The following CHRDL2 variants were observed in gnomAD, a reference collection of about 807,000 sequenced individuals.
CHRDL2 encodes chordin-like protein 2.
Under a neutral mutation model 54.3 loss-of-function variants are expected in CHRDL2, and 41 were observed. The observed-to-expected ratio is 0.76, with a 90% CI of 0.59 to 0.98. CHRDL2 has a LOEUF of 0.98. Among genes scored for constraint, CHRDL2 ranks in the 50% least tolerant of loss-of-function variants. CHRDL2 has a pLI of 0.00. For missense variants in CHRDL2, 518 were observed against 562.4 expected (o/e 0.92, Z 0.80); for synonymous variants, 220 against 224.3 (o/e 0.98, Z 0.17).
chr11:74,713,312 C>G, intron 3 of CHRDL2, 74 bp downstream of exon 3: 1 of 1,309,344 alleles, frequency 7.6e-7, no homozygotes, highest in Non-Finnish European at 1.1e-6. Context: ...TTGCAGGGGT[C>G]TCCCTCAGCT....
intron 2 of CHRDL2, among the ~76,000 whole-genome samples, chr11:74,714,691 T>C (rs1158380962): frequency 1.3e-5 from 2 of 152,188 alleles, no homozygotes; most frequent in Non-Finnish European, 2.9e-5. Flanking sequence ...GCTTAATAAA[T>C]GTCTAGAGGA....
rs571865749 is a variant in CHRDL2, at chr11:74,696,534, C to T, written c.1265G>A (p.Ser422Asn). ...AQTLELKVTA[S>N]PDKVTKT The stretch of plus-strand genomic sequence containing the variant: ...TTATGTCTTGGTCACTTTGTCTGGA[C>T]TGGCCGTGACCTTCAGCTCCAGGGT... Residue 422 changes from serine to asparagine, a missense_variant, in exon 11 of 11, where the codon AGT becomes AAT. Coordinates refer to ENST00000376332, the MANE Select transcript of CHRDL2 (RefSeq NM_001278473.3). 2 of 1,614,172 alleles carry T rather than the reference C, an allele frequency of 1.2e-6. No individual in the cohort carries two copies. Among genetic ancestry groups the T allele is most frequent in the South Asian group, 1.1e-5 (1 of 91,084 alleles).
intron 1 of CHRDL2, among the ~76,000 whole-genome samples, chr11:74,728,547 TTG>T (rs1470797086): frequency 2.0e-4 from 31 of 151,948 alleles, no homozygotes; most frequent in African/African-American, 7.3e-4. Context: ...GTTGTTGTTG[TTG>T]TTTTTTAAGA....
chr11:74,725,213 G>A (rs561014125), intron 1 of CHRDL2, among the ~76,000 whole-genome samples: 1 of 152,254 alleles, frequency 6.6e-6, no homozygotes, highest in Non-Finnish European at 1.5e-5. Flanking sequence ...AGATGATCTC[G>A]ATCTCTTGAC....
Position 74,710,698 on chromosome 11 carries a change from C to T in CHRDL2, c.432+151G>A, listed in dbSNP as rs113346776. ...TCACCTGACCCAGCTAGGGACAGGA[C>T]ATTCCAAACCCCAGATATTCCCTTT... On this transcript the variant is annotated intron_variant, in intron 4 of 10. Coordinates refer to ENST00000376332, the MANE Select transcript of CHRDL2 (RefSeq NM_001278473.3). 25 of 1,067,902 alleles carry T rather than the reference C, an allele frequency of 2.3e-5. No individual in the cohort carries two copies. In the African/African-American group the frequency reaches 3.7e-4, roughly 16 times the overall value. 66.2% of individuals were successfully genotyped at this position (1,067,902 alleles called of 1,614,324 possible). A position where few individuals can be genotyped will look rare whatever the true frequency, so the allele number is the denominator to read the frequency against.
chr11:74,714,884 C>G (rs1236558713), intron 2 of CHRDL2, among the ~76,000 whole-genome samples: 1 of 152,134 alleles, frequency 6.6e-6, no homozygotes, highest in Non-Finnish European at 1.5e-5. Context: ...GGTGAAAGGG[C>G]AGGTGAGGCA....
chr11:74,697,751 GA>G, intron 9 of CHRDL2: 1 of 311,994 alleles, frequency 3.2e-6, no homozygotes, highest in Non-Finnish European at 6.4e-6. Context: ...GAGGGAAGTG[GA>G]AGGCAGGAGG....
chr11:74,696,492 C>T lies in CHRDL2; in HGVS notation c.*17G>A. ...ACAACAATTATACAGCTCATATCTG[C>T]AACTGTTAGGTCTTTGTTATGTCTT... On this transcript the variant is annotated 3_prime_UTR_variant, in exon 11 of 11. Transcript: ENST00000376332. The T allele has an allele frequency of 6.3e-7, 1 of 1,594,952 alleles. No individual in the cohort carries two copies. Among genetic ancestry groups the T allele is most frequent in the Non-Finnish European group, 8.6e-7 (1 of 1,162,592 alleles).
At chr11:74,704,353 G>T in intron 7 of CHRDL2, 133 bp downstream of exon 7, 1 of 793,568 alleles carries the variant, frequency 1.3e-6, no homozygotes, top group Non-Finnish European at 1.9e-6. Context: ...CGTTCTCCGA[G>T]TCTACAAGCT....
At chr11:74,708,189 C>T (rs947682157) in intron 5 of CHRDL2, 113 bp downstream of exon 5, 33 of 670,908 alleles carry the variant, frequency 4.9e-5, no homozygotes, top group African/African-American at 1.1e-4. Flanking sequence ...AGGAAAGAGC[C>T]GTCTGCTACA....
intron 9 of CHRDL2, among the ~76,000 whole-genome samples, chr11:74,700,547 T>C (rs1399610782): frequency 1.3e-5 from 2 of 152,034 alleles, no homozygotes; most frequent in African/African-American, 4.8e-5. Flanking sequence ...GGCACTTAGT[T>C]GGGGGCAGCG....
chr11:74,714,781 A>G, intron 2 of CHRDL2, among the ~76,000 whole-genome samples: 1 of 152,242 alleles, frequency 6.6e-6, no homozygotes, highest in Admixed American at 6.5e-5. Flanking sequence ...CTGAAGAGTT[A>G]GAATCGGTCT....
intron 10 of CHRDL2, 40 bp downstream of exon 10, chr11:74,697,162 CCTT>C: frequency 6.6e-7 from 1 of 1,520,594 alleles, no homozygotes; most frequent in East Asian, 2.3e-5. Flanking sequence ...CGTGTCCTTG[CCTT>C]CTTCCTGCCC....
intron 6 of CHRDL2, among the ~76,000 whole-genome samples, 187 bp downstream of exon 6, chr11:74,706,300 C>T (rs2034007432): frequency 6.6e-6 from 1 of 152,126 alleles, no homozygotes; most frequent in Non-Finnish European, 1.5e-5. Context: ...ATCCATCAAC[C>T]ATGATGGGAC....
At position 74,711,090 on chromosome 11, in the gene CHRDL2, C is replaced by T. The variant is rs965111697; in HGVS notation, c.290-99G>A. 2.3e-5 allele frequency: 31 copies of T among 1,356,546 alleles called. No homozygotes were observed. In the African/African-American group the frequency reaches 4.1e-4, roughly 18 times the overall value. The allele number at this position is 1,356,546 out of a possible 1,614,324, so 84.0% of individuals were successfully genotyped here. A position where few individuals can be genotyped will look rare whatever the true frequency, so the allele number is the denominator to read the frequency against. Reference sequence around the variant, plus strand: ...ACTTTTCTGATGATTTTGCATTTGACCCCAGCTTGATATTTAAACCAAGCT... The same window carrying T: ...ACTTTTCTGATGATTTTGCATTTGATCCCAGCTTGATATTTAAACCAAGCT... On this transcript the variant is annotated intron_variant, in intron 3 of 10. Transcript: ENST00000376332.
intron 9 of CHRDL2, chr11:74,699,514 T>G (rs1451794390): frequency 6.6e-6 from 1 of 152,318 alleles, no homozygotes; most frequent in Non-Finnish European, 1.5e-5. Context: ...GTGTGTCACC[T>G]ATCTGGAGTA....
intron 6 of CHRDL2, chr11:74,704,864 A>G (rs2033955843): frequency 1.8e-6 from 1 of 560,344 alleles, no homozygotes. Context: ...CTCAGAGGAT[A>G]GTGATTTGGA....
At chr11:74,721,695 A>G (rs936317446) in intron 1 of CHRDL2, among the ~76,000 whole-genome samples, 3 of 152,396 alleles carry the variant, frequency 2.0e-5, no homozygotes, top group South Asian at 2.1e-4. Flanking sequence ...ACCCTTGAAC[A>G]TGGCTGGTGA....
At chr11:74,721,418 A>G (rs563717699) in intron 1 of CHRDL2, among the ~76,000 whole-genome samples, 12 of 152,260 alleles carry the variant, frequency 7.9e-5, no homozygotes, top group East Asian at 1.9e-4. Context: ...GTCTCAGCCA[A>G]TGCCCAGGCA....
Sources: allele counts gnomAD v4.1 joint callset (sites outside exome capture counted in the v4.1 genomes callset), GRCh38; gene constraint gnomAD v4.1.1; transcripts MANE v1.5; gene names NCBI Gene and HGNC (gene_info 2026-07-23, HGNC 2026-07-21).